Variants in MSANTD2 observed in about 807,000 individuals in gnomAD.
The protein encoded by MSANTD2 is Myb/SANT DNA binding domain containing 2, also known as myb/SANT-like DNA-binding domain-containing protein 2.
In MSANTD2, 19 loss-of-function variants were observed where a neutral mutation model predicts 52.6. The ratio of observed to expected loss-of-function variants is 0.36; its 90% CI spans 0.25 to 0.53. The LOEUF (loss-of-function observed/expected upper bound fraction) is 0.53, where lower values mean the gene tolerates loss of function less well. MSANTD2 is among the 20% of genes least tolerant of loss of function. MSANTD2 has a pLI of 0.91. For missense variants in MSANTD2, 558 were observed against 716.3 expected, an observed-to-expected ratio of 0.78 and a Z score of 2.52; for synonymous variants, 291 against 289.7, an observed-to-expected ratio of 1.00 and a Z score of -0.04.
chr11:124,774,876 T>A lies in MSANTD2; in HGVS notation c.609A>T (p.Gly203=). 6.2e-7 allele frequency: 1 copy of A among 1,613,412 alleles called. No homozygotes were observed. Among genetic ancestry groups the A allele is most frequent in the Non-Finnish European group, 8.5e-7 (1 of 1,179,986 alleles). Residue 203 remains glycine (G), a synonymous_variant, in exon 2 of 4, where the codon GGA becomes GGT. Transcript: ENST00000374979. The surrounding 1 kb of genome is among the most constrained non-coding windows in gnomAD (Gnocchi z 5.1). ...FEQLEQVFGQ[G]GWDAQPCQPV... is the part of the protein sequence containing the mutation. Reference sequence around the variant, plus strand: ...GCTGGCAGGGCTGAGCATCCCATCCTCCCTGACCAAACACCTGTTCCAACT... The same window carrying A: ...GCTGGCAGGGCTGAGCATCCCATCCACCCTGACCAAACACCTGTTCCAACT...
chr11:124,799,876 T>C lies in MSANTD2; in HGVS notation c.505A>G (p.Ile169Val), dbSNP rs778103239. 2 of 1,577,978 alleles carry C rather than the reference T, an allele frequency of 1.3e-6. No homozygotes were observed. The highest frequency in any genetic ancestry group is 8.5e-7 in the Non-Finnish European group (1 of 1,170,452). Residue 169 changes from isoleucine to valine, a missense_variant, in exon 1 of 4, where the codon ATC becomes GTC. Physicochemically the swap from Ile to Val is conservative, Grantham distance 29. Around this residue, in one of 2 missense-constraint regions of MSANTD2, gnomAD observed 408 missense variants for 573.6 expected, o/e 0.71. Coordinates refer to ENST00000374979, the MANE Select transcript of MSANTD2 (RefSeq NM_001308027.2). ...ERTPSQCRER[I>V]KTLRRCYSRV... ...CAGGCCGGGCGGCCGGTTACCTTGA[T>C]GCGCTCCCGGCACTGGGACGGGGTC... is the stretch of plus-strand genomic sequence containing the variant.
chr11:124,768,086 G>A, intron 3 of MSANTD2, 58 bp from the exon 4 acceptor site: 1 of 1,499,050 alleles, frequency 6.7e-7, no homozygotes, highest in Non-Finnish European at 9.0e-7. Context: ...GTGTCAGATA[G>A]AACTTTCTGT....
At chr11:124,793,734 G>T (rs1418796320) in intron 1 of MSANTD2, among the ~76,000 whole-genome samples, 2 of 152,068 alleles carry the variant, frequency 1.3e-5, no homozygotes, top group East Asian at 3.9e-4. Flanking sequence ...TGCACTGTTT[G>T]CCCCAGTGAG....
intron 3 of MSANTD2, among the ~76,000 whole-genome samples, chr11:124,771,436 T>C (rs949330347): frequency 1.3e-5 from 2 of 152,106 alleles, no homozygotes; most frequent in African/African-American, 4.8e-5. Flanking sequence ...GAAATGAGCA[T>C]TTACAAAGGG....
intron 1 of MSANTD2, chr11:124,784,279 A>T (rs1945085631): frequency 1.0e-6 from 1 of 985,402 alleles, no homozygotes. Flanking sequence ...TTCTCAGTTC[A>T]CACCTTGGGG....
chr11:124,794,333 A>T (rs545686148), intron 1 of MSANTD2, among the ~76,000 whole-genome samples: 11 of 152,342 alleles, frequency 7.2e-5, no homozygotes, highest in Non-Finnish European at 1.6e-4. Flanking sequence ...TTTCCTTCTA[A>T]AACTGAAATC....
rs1944342698 is a variant in MSANTD2 at position 124,767,474 on chromosome 11, G to A, written c.1382C>T (p.Ala461Val). The A allele has an allele frequency of 6.2e-7, 1 of 1,614,046 alleles. No individual in the cohort carries two copies. The highest frequency in any genetic ancestry group is 1.3e-5 in the African/African-American group (1 of 74,904). Residue 461 changes from alanine to valine, a missense_variant, in exon 4 of 4, where the codon GCC becomes GTC. Coordinates refer to ENST00000374979, the MANE Select transcript of MSANTD2 (RefSeq NM_001308027.2). This position sits in a 1 kb window ranked among gnomAD's most constrained non-coding sequence, Gnocchi z 6.5. ...RVDLETLSAQ[A>V]SLQVEIEPTR... is the part of the protein sequence containing the mutation. ...GGGTTCTATTTCCACCTGTAATGAG[G>A]CTTGTGCTGAAAGGGTTTCCAGGTC...
chr11:124,799,843 C>T, intron 1 of MSANTD2, 28 bp downstream of exon 1: 1 of 1,537,440 alleles, frequency 6.5e-7, no homozygotes, highest in East Asian at 2.5e-5. Context: ...GCCTCTGGTT[C>T]GCTGCCCCAG....
At chr11:124,768,721 G>A (rs1214800409) in intron 3 of MSANTD2, among the ~76,000 whole-genome samples, 1 of 152,162 alleles carries the variant, frequency 6.6e-6, no homozygotes, top group East Asian at 1.9e-4. Flanking sequence ...GCTCACATTA[G>A]GCTTAGATTT....
At chr11:124,791,803 G>A (rs893202489) in intron 1 of MSANTD2, 17 of 545,372 alleles carry the variant, frequency 3.1e-5, no homozygotes, top group Non-Finnish European at 4.7e-5. Context: ...AAGATCCCCC[G>A]CCAGGGGCAG....
chr11:124,793,780 C>A (rs1945405942), intron 1 of MSANTD2, among the ~76,000 whole-genome samples: 1 of 147,554 alleles, frequency 6.8e-6, no homozygotes, highest in African/African-American at 2.5e-5. Flanking sequence ...GGCACCACCT[C>A]CTGGAATGGC....
intron 1 of MSANTD2, chr11:124,790,598 A>G (rs935834778): frequency 6.6e-6 from 1 of 152,266 alleles, no homozygotes; most frequent in Admixed American, 6.5e-5. Context: ...TACTGCAAGA[A>G]GCCTCTAAAT....
rs529563913 is a variant in MSANTD2, at chr11:124,782,477, G to A, written c.511-7503C>T. On this transcript the variant is annotated intron_variant, in intron 1 of 3. Coordinates refer to ENST00000374979, the MANE Select transcript of MSANTD2 (RefSeq NM_001308027.2). ...CTAAAAAAAATAAAAATAGAAAAACGTAATACAAGTTCTGAACATAAAAGA... is the reference window on the plus strand; with the variant it reads ...CTAAAAAAAATAAAAATAGAAAAACATAATACAAGTTCTGAACATAAAAGA... 3.3e-5 allele frequency among the ~76,000 whole-genome samples: 5 copies of A among 151,834 alleles called. No individual in the cohort carries two copies. The South Asian group carries it at 8.3e-4, about 25-fold the overall frequency.
intron 1 of MSANTD2, among the ~76,000 whole-genome samples, chr11:124,780,516 G>T (rs1048910483): frequency 6.6e-6 from 1 of 152,170 alleles, no homozygotes; most frequent in Non-Finnish European, 1.5e-5. Context: ...TTCCAGGGCA[G>T]AAGTTCTTAA....
chr11:124,788,315 T>A (rs539367925), intron 1 of MSANTD2, among the ~76,000 whole-genome samples: 9 of 152,114 alleles, frequency 5.9e-5, no homozygotes, highest in Non-Finnish European at 1.3e-4. Flanking sequence ...CATATGCTCT[T>A]GGAGTTAAAC....
At chr11:124,770,782 T>TG (rs1301587937) in intron 3 of MSANTD2, among the ~76,000 whole-genome samples, 2 of 138,260 alleles carry the variant, frequency 1.4e-5, no homozygotes, top group African/African-American at 3.1e-5. Flanking sequence ...ATTTTTTGGT[T>TG]TTTTTTTTTT....
chr11:124,794,068 T>C (rs953123066), intron 1 of MSANTD2, among the ~76,000 whole-genome samples: 18 of 152,220 alleles, frequency 1.2e-4, no homozygotes, highest in African/African-American at 4.1e-4. Context: ...CCACACATTT[T>C]AAGGGCTGAA....
At chr11:124,783,076 T>C (rs1945037802) in intron 1 of MSANTD2, among the ~76,000 whole-genome samples, 3 of 152,118 alleles carry the variant, frequency 2.0e-5, no homozygotes, top group Admixed American at 2.0e-4. Flanking sequence ...GAATGTAAGG[T>C]AGTTCTGTCA....
rs189513806 is a variant in MSANTD2, at chr11:124,783,157, C to T, written c.511-8183G>A. 1.2e-3 allele frequency among the ~76,000 whole-genome samples: 181 copies of T among 152,274 alleles called. 3 individuals carry two copies. The highest frequency in any genetic ancestry group is 0.011 in the Admixed American group (167 of 15,286). ...GGTCAAACAGAATGACCACCACAAA[C>T]GAAGAGATCTTACCTCTCTGGAGCC... On this transcript the variant is annotated intron_variant, in intron 1 of 3. Coordinates refer to ENST00000374979, the MANE Select transcript of MSANTD2 (RefSeq NM_001308027.2).
Sources: gnomAD v4.1 joint callset for allele counts (sites outside exome capture counted in the v4.1 genomes callset) on GRCh38, gnomAD v4.1.1 for gene constraint, gnomAD v4.1.1 regional missense constraint, Gnocchi (gnomAD v3.1) non-coding constraint, MANE v1.5 for transcripts, NCBI Gene and HGNC (gene_info 2026-07-23, HGNC 2026-07-21) for gene names.